The following GALR1 variants were observed in gnomAD, a reference collection of about 807,000 sequenced individuals.
GALR1 encodes the protein galanin receptor type 1.
GALR1 carries 11 observed loss-of-function variants against 17.9 expected under a neutral mutation model. That is an observed-to-expected ratio of 0.62 (90% CI 0.39 to 1.02). GALR1 has a LOEUF of 1.02. Among genes scored for constraint, GALR1 ranks in the 50% least tolerant of loss-of-function variants. The pLI, the probability that GALR1 is intolerant of heterozygous loss-of-function variation, is 0.01. For synonymous variants in GALR1, 206 were observed against 205.7 expected, an observed-to-expected ratio of 1.00 and a Z score of -0.01; for missense variants, 441 against 456.9, an observed-to-expected ratio of 0.97 and a Z score of 0.32.
intron 2 of GALR1, among the ~76,000 whole-genome samples, chr18:77,263,548 C>T (rs544629457): frequency 6.6e-5 from 10 of 152,122 alleles, no homozygotes; most frequent in Admixed American, 5.9e-4. Context: ...TGCTGTCAGT[C>T]CTGGGGTCTT....
rs543408204 is a variant in GALR1, at chr18:77,259,334, G to A, written c.732+3111G>A. 4.9e-4 allele frequency among the ~76,000 whole-genome samples: 67 copies of A among 137,616 alleles called. 2 individuals are homozygous for A. The highest frequency in any genetic ancestry group is 1.6e-3 in the African/African-American group (60 of 38,106). The allele number at this position is 137,616 out of a possible 152,430, so 90.3% of individuals were successfully genotyped here. A position where few individuals can be genotyped will look rare whatever the true frequency, so the allele number is the denominator to read the frequency against. Reference sequence around the variant, plus strand: ...TGGTGATGATGGTGGTCATGGTGGCGATTGTGGTGATGGTGGTGGATGGTG... The same window carrying A: ...TGGTGATGATGGTGGTCATGGTGGCAATTGTGGTGATGGTGGTGGATGGTG... On this transcript the variant is annotated intron_variant, in intron 2 of 2. Coordinates refer to ENST00000299727, the MANE Select transcript of GALR1 (RefSeq NM_001480.4).
At chr18:77,262,270 C>T (rs1315312955) in intron 2 of GALR1, among the ~76,000 whole-genome samples, 1 of 151,442 alleles carries the variant, frequency 6.6e-6, no homozygotes, top group Non-Finnish European at 1.5e-5. Context: ...TACTAACCTA[C>T]TTAAATCCCA....
intron 1 of GALR1, among the ~76,000 whole-genome samples, chr18:77,255,173 G>A (rs190476531): frequency 3.5e-4 from 54 of 152,308 alleles, no homozygotes; most frequent in African/African-American, 1.3e-3. Flanking sequence ...GCACTTAGTC[G>A]CCCTGGGGCT....
At chr18:77,267,148 G>T (rs1308141743) in intron 2 of GALR1, among the ~76,000 whole-genome samples, 4 of 152,246 alleles carry the variant, frequency 2.6e-5, no homozygotes, top group Non-Finnish European at 5.9e-5. Context: ...GGAGGCTGGG[G>T]AAGCACTCTG....
chr18:77,260,212 T>C (rs1912799398), intron 2 of GALR1, among the ~76,000 whole-genome samples: 2 of 152,188 alleles, frequency 1.3e-5, no homozygotes, highest in South Asian at 4.1e-4. Context: ...GATTCAGTGT[T>C]TGGTGAGGGC....
At position 77,251,147 on chromosome 18, in the gene GALR1, A is replaced by G; in HGVS notation, c.599A>G (p.Tyr200Cys). 1 of 1,613,096 alleles carries G rather than the reference A, an allele frequency of 6.2e-7. No homozygotes were observed. Among genetic ancestry groups the G allele is most frequent in the South Asian group, 1.1e-5 (1 of 91,078 alleles). Reference protein sequence around the residue: ...QWPDPRHKKAYVVCTFVFGYL... With the variant: ...QWPDPRHKKACVVCTFVFGYL... The stretch of plus-strand genomic sequence containing the variant: ...CCCGACCCTCGCCACAAGAAGGCCT[A>G]CGTGGTGTGCACCTTCGTCTTCGGC... The change falls in exon 1 of 3, where the codon TAC (tyrosine) becomes TGC (cysteine). Residue 200 changes from tyrosine to cysteine, a missense_variant. Coordinates refer to ENST00000299727, the MANE Select transcript of GALR1 (RefSeq NM_001480.4).
In GALR1 at chr18:77,250,837, G is replaced by T; in HGVS notation, c.289G>T (p.Ala97Ser). Residue 97 changes from alanine (A) to serine (S), a missense_variant, in exon 1 of 3, where the codon GCG becomes TCG. Physicochemically the swap from Ala to Ser is moderately conservative, Grantham distance 99 (BLOSUM62 1). Coordinates refer to ENST00000299727, the MANE Select transcript of GALR1 (RefSeq NM_001480.4). ...FCIPFQATVYALPTWVLGAFI... is the reference protein window; with the variant it reads ...FCIPFQATVYSLPTWVLGAFI... ...CATCCCCTTCCAGGCCACCGTGTAC[G>T]CGCTGCCCACCTGGGTGCTGGGCGC... 1 of 1,613,484 alleles carries T rather than the reference G, an allele frequency of 6.2e-7. No homozygotes were observed. Among genetic ancestry groups the T allele is most frequent in the Non-Finnish European group, 8.5e-7 (1 of 1,180,002 alleles).
chr18:77,251,285 T>C, intron 1 of GALR1, 71 bp downstream of exon 1: 1 of 1,526,584 alleles, frequency 6.6e-7, no homozygotes, highest in Middle Eastern at 2.1e-4. Flanking sequence ...GGGGTCTCAG[T>C]GTCCCGCGGC....
chr18:77,259,441 A>C (rs62654102), intron 2 of GALR1, among the ~76,000 whole-genome samples: 12,723 of 135,350 alleles, frequency 0.094, 858 homozygotes, highest in Non-Finnish European at 0.13. Flanking sequence ...GGTGGTGATG[A>C]TGGTGATCAT....
intron 1 of GALR1, among the ~76,000 whole-genome samples, chr18:77,253,461 C>T (rs187254118): frequency 1.8e-4 from 27 of 152,284 alleles, no homozygotes; most frequent in Non-Finnish European, 2.9e-4. Flanking sequence ...CTGAAGCACA[C>T]GCTTCCTTAT....
At position 77,250,567 on chromosome 18, in the gene GALR1, A is replaced by T; in HGVS notation, c.19A>T (p.Asn7Tyr). 6.5e-7 allele frequency: 1 copy of T among 1,535,502 alleles called. No individual in the cohort carries two copies. Among genetic ancestry groups the T allele is most frequent in the Non-Finnish European group, 8.7e-7 (1 of 1,146,102 alleles). Residue 7 changes from asparagine to tyrosine, a missense_variant, in exon 1 of 3, where the codon AAC becomes TAC. By Grantham distance (143) the Asn-to-Tyr change is moderately radical (BLOSUM62 -2). Transcript: ENST00000299727. ...GCGGGCCATGGAGCTGGCGGTCGGGAACCTCAGCGAGGGCAACGCGAGCTG... is the reference window on the plus strand; with the variant it reads ...GCGGGCCATGGAGCTGGCGGTCGGGTACCTCAGCGAGGGCAACGCGAGCTG... MELAVG[N>Y]LSEGNASWPE...
At chr18:77,254,037 C>T (rs958763502) in intron 1 of GALR1, 2 of 152,172 alleles carry the variant, frequency 1.3e-5, no homozygotes, top group African/African-American at 4.8e-5. Flanking sequence ...AATTACTGTC[C>T]AGAATCTCCT....
intron 2 of GALR1, among the ~76,000 whole-genome samples, chr18:77,260,507 G>A (rs1266499405): frequency 6.6e-6 from 1 of 152,144 alleles, no homozygotes; most frequent in Non-Finnish European, 1.5e-5. Context: ...AGCCCCACCT[G>A]TTAATACCAT....
chr18:77,268,986 C>A lies in GALR1; in HGVS notation c.*84C>A. On this transcript the variant is annotated 3_prime_UTR_variant, in exon 3 of 3. Transcript: ENST00000299727. ...AAACAGAATGAGCTAGTAAGCGATGCTGCAACTTGTTATCTTAACAAGAAT... is the reference window on the plus strand; with the variant it reads ...AAACAGAATGAGCTAGTAAGCGATGATGCAACTTGTTATCTTAACAAGAAT... 1 of 994,058 alleles carries A rather than the reference C, an allele frequency of 1.0e-6. No homozygotes were observed. The highest frequency in any genetic ancestry group is 1.5e-6 in the Non-Finnish European group (1 of 657,904). 61.6% of individuals were successfully genotyped at this position (994,058 alleles called of 1,614,324 possible). A position where few individuals can be genotyped will look rare whatever the true frequency, so the allele number is the denominator to read the frequency against.
chr18:77,276,252 G>A lies in GALR1; in HGVS notation c.*7350G>A, dbSNP rs1315719162. 6.6e-6 allele frequency: 1 copy of A among 152,188 alleles called. No homozygotes were observed. The highest frequency in any genetic ancestry group is 1.5e-5 in the Non-Finnish European group (1 of 68,030). The allele number at this position is 152,188 out of a possible 1,614,324, so 9.4% of individuals were successfully genotyped here. On this transcript the variant is annotated 3_prime_UTR_variant, in exon 3 of 3. Coordinates refer to ENST00000299727, the MANE Select transcript of GALR1 (RefSeq NM_001480.4). Reference sequence around the variant, plus strand: ...CCTAAGTGAGGAGAGTAGTTGTGGAGCATTGTAGAAAGGATAAAATGAACA... The same window carrying A: ...CCTAAGTGAGGAGAGTAGTTGTGGAACATTGTAGAAAGGATAAAATGAACA...
At chr18:77,268,540 C>A in intron 2 of GALR1, 45 bp from the exon 3 acceptor site, 1 of 1,377,688 alleles carries the variant, frequency 7.3e-7, no homozygotes, top group Non-Finnish European at 1.0e-6. Context: ...TTCTCCCTTA[C>A]CGCCTCCTCC....
At position 77,250,504 on chromosome 18, in the gene GALR1, C is replaced by G. The variant is rs1385809035; in HGVS notation, c.-45C>G. On this transcript the variant is annotated 5_prime_UTR_variant, in exon 1 of 3. Coordinates refer to ENST00000299727, the MANE Select transcript of GALR1 (RefSeq NM_001480.4). ...CCCCCGGCGCCTACTATCCCGCCCTCCCTCCCCGCGCGCCCCGCCGCTCGC... is the reference window on the plus strand; with the variant it reads ...CCCCCGGCGCCTACTATCCCGCCCTGCCTCCCCGCGCGCCCCGCCGCTCGC... 1.4e-6 allele frequency: 2 copies of G among 1,426,688 alleles called. No individual in the cohort carries two copies. The highest frequency in any genetic ancestry group is 1.8e-6 in the Non-Finnish European group (2 of 1,101,068). 88.4% of individuals were successfully genotyped at this position (1,426,688 alleles called of 1,614,324 possible).
chr18:77,276,427 T>C lies in GALR1; in HGVS notation c.*7525T>C, dbSNP rs1913159038. 1 of 152,234 alleles carries C rather than the reference T, an allele frequency of 6.6e-6. No homozygotes were observed. Among genetic ancestry groups the C allele is most frequent in the Admixed American group, 6.5e-5 (1 of 15,282 alleles). 9.4% of individuals were successfully genotyped at this position (152,234 alleles called of 1,614,324 possible). A position where few individuals can be genotyped will look rare whatever the true frequency, so the allele number is the denominator to read the frequency against. ...GTTGAATGAGCTGGGCAGTTGAAAG[T>C]ACCCGTGATGCTCTGGCCTTACCTT... is the stretch of plus-strand genomic sequence containing the variant. On this transcript the variant is annotated 3_prime_UTR_variant, in exon 3 of 3. Coordinates refer to ENST00000299727, the MANE Select transcript of GALR1 (RefSeq NM_001480.4).
At chr18:77,264,133 CAAAAAAAAAAAAAA>C (rs56102250) in intron 2 of GALR1, among the ~76,000 whole-genome samples, 31 of 57,268 alleles carry the variant, frequency 5.4e-4, no homozygotes, top group African/African-American at 2.1e-3. Context: ...GACTCCATCT[CAAAAAAAAAAAAAA>C]AAAAAAAAAA....
Sources: gnomAD v4.1 joint callset for allele counts (sites outside exome capture counted in the v4.1 genomes callset) on GRCh38, gnomAD v4.1.1 for gene constraint, MANE v1.5 for transcripts, NCBI Gene and HGNC (gene_info 2026-07-23, HGNC 2026-07-21) for gene names.